The following PPP1R12B variants were observed in gnomAD, a reference collection of about 807,000 sequenced individuals.
The protein encoded by PPP1R12B is protein phosphatase 1 regulatory subunit 12B.
A neutral mutation model predicts 126.1 loss-of-function variants in PPP1R12B; 76 were observed. The observed-to-expected ratio is 0.60, with a 90% CI of 0.50 to 0.73. PPP1R12B has a LOEUF of 0.73. Among genes scored for constraint, PPP1R12B ranks in the 30% least tolerant of loss-of-function variants. The probability of loss-of-function intolerance (pLI) is 0.00; values close to 1 mark genes in which losing one functional copy is unlikely to be tolerated. For synonymous variants in PPP1R12B, 356 were observed against 434.7 expected, an observed-to-expected ratio of 0.82 and a Z score of 2.25; for missense variants, 1,052 against 1,205.1, an observed-to-expected ratio of 0.87 and a Z score of 1.88.
intron 1 of PPP1R12B, among the ~76,000 whole-genome samples, chr1:202,374,179 G>A (rs1315257577): frequency 3.3e-5 from 5 of 151,974 alleles, no homozygotes; most frequent in African/African-American, 4.8e-5. Flanking sequence ...AGGCTTTTAG[G>A]TACCTCAGAC....
Position 202,585,105 on chromosome 1 carries a change from T to TCTCAC in PPP1R12B, c.*4550_*4554dup, listed in dbSNP as rs1689743057. On this transcript the variant is annotated 3_prime_UTR_variant, in exon 24 of 24. Coordinates refer to ENST00000608999, the MANE Select transcript of PPP1R12B (RefSeq NM_002481.4). ...TCCACCTCCCAGGCTCAAGGGATCC[T>TCTCAC]CTCACCTCAGCTCCCGAGCAGCTAG... 6.6e-6 allele frequency: 1 copy of TCTCAC among 152,382 alleles called. No homozygotes were observed. Among genetic ancestry groups the TCTCAC allele is most frequent in the Admixed American group, 6.5e-5 (1 of 15,282 alleles). 9.4% of individuals were successfully genotyped at this position (152,382 alleles called of 1,614,324 possible).
At chr1:202,579,135 T>C (rs1431748218) in intron 23 of PPP1R12B, among the ~76,000 whole-genome samples, 2 of 152,262 alleles carry the variant, frequency 1.3e-5, no homozygotes, top group Non-Finnish European at 2.9e-5. Flanking sequence ...TTTATTTCCC[T>C]GATACAAATT....
In PPP1R12B at chr1:202,580,712, A is replaced by G. The variant is rs1689501922; in HGVS notation, c.*152A>G. On this transcript the variant is annotated 3_prime_UTR_variant, in exon 24 of 24. Transcript: ENST00000608999. ...CTCTTCAGTCACCTCTATACACTCT[A>G]CATTTTCTCTGCACTTTCAATGCCC... 8 of 624,410 alleles carry G rather than the reference A, an allele frequency of 1.3e-5. No homozygotes were observed. The East Asian group carries it at 2.0e-4, about 15-fold the overall frequency. The allele number at this position is 624,410 out of a possible 1,614,324, so 38.7% of individuals were successfully genotyped here. A position where few individuals can be genotyped will look rare whatever the true frequency, so the allele number is the denominator to read the frequency against.
chr1:202,437,060 G>A (rs898729753), intron 9 of PPP1R12B, among the ~76,000 whole-genome samples: 2 of 152,108 alleles, frequency 1.3e-5, no homozygotes, highest in Non-Finnish European at 2.9e-5. Flanking sequence ...GGCAGGGCAT[G>A]GGTTCATGCC....
intron 2 of PPP1R12B, among the ~76,000 whole-genome samples, chr1:202,420,770 G>A (rs1162405885): frequency 6.6e-6 from 1 of 152,110 alleles, no homozygotes; most frequent in East Asian, 1.9e-4. Flanking sequence ...AATAAGGTCT[G>A]TCTTCCTCTG....
intron 1 of PPP1R12B, among the ~76,000 whole-genome samples, chr1:202,384,299 C>T (rs1181166119): frequency 6.6e-6 from 1 of 152,094 alleles, no homozygotes; most frequent in African/African-American, 2.4e-5. Flanking sequence ...GGAAGCAGCC[C>T]AAATGTCCAT....
At chr1:202,545,895 A>G (rs1312843963) in intron 18 of PPP1R12B, among the ~76,000 whole-genome samples, 1 of 152,220 alleles carries the variant, frequency 6.6e-6, no homozygotes, top group Admixed American at 6.5e-5. Flanking sequence ...TTAGAAATGT[A>G]ATAAGAAATG....
rs556925250 is a variant in PPP1R12B at position 202,550,302 on chromosome 1, G to T, written c.2491-8575G>T. Among the ~76,000 whole-genome samples, 4 of 152,238 alleles carry T rather than the reference G, an allele frequency of 2.6e-5. No individual in the cohort carries two copies. In the South Asian group the frequency reaches 8.3e-4, roughly 32 times the overall value. On this transcript the variant is annotated intron_variant, in intron 18 of 23. Transcript: ENST00000608999. ...CTACCCAAACAGGCTGCTGGACTGT[G>T]ACATTTACCATATGAAAAAACCCGT...
At chr1:202,391,396 T>G (rs1056609741) in intron 1 of PPP1R12B, among the ~76,000 whole-genome samples, 2 of 151,804 alleles carry the variant, frequency 1.3e-5, no homozygotes, top group African/African-American at 4.8e-5. Flanking sequence ...TTGGTGAGGG[T>G]GTGGTGAAAT....
chr1:202,436,643 G>A (rs1251754089), intron 9 of PPP1R12B, among the ~76,000 whole-genome samples: 1 of 152,188 alleles, frequency 6.6e-6, no homozygotes, highest in Non-Finnish European at 1.5e-5. Flanking sequence ...GCTGGTCTAT[G>A]ATGTTTCCCT....
chr1:202,496,260 C>T (rs1679542984), intron 17 of PPP1R12B, among the ~76,000 whole-genome samples: 1 of 152,194 alleles, frequency 6.6e-6, no homozygotes, highest in Non-Finnish European at 1.5e-5. Flanking sequence ...ATCAGTAGTT[C>T]CATTCATCCT....
At position 202,555,127 on chromosome 1, in the gene PPP1R12B, G is replaced by A. The variant is rs1572490228; in HGVS notation, c.2491-3750G>A. Reference sequence around the variant, plus strand: ...TTTTATGTCAACCTCCTCAGTGAAGGTCATACAGTATAAACAGCCATACTA... The same window carrying A: ...TTTTATGTCAACCTCCTCAGTGAAGATCATACAGTATAAACAGCCATACTA... On this transcript the variant is annotated intron_variant, in intron 18 of 23. Coordinates refer to ENST00000608999, the MANE Select transcript of PPP1R12B (RefSeq NM_002481.4). 2.0e-5 allele frequency among the ~76,000 whole-genome samples: 3 copies of A among 151,788 alleles called. No individual in the cohort carries two copies. The South Asian group carries it at 6.2e-4, about 32-fold the overall frequency.
chr1:202,526,895 C>A (rs1296654287), intron 18 of PPP1R12B, among the ~76,000 whole-genome samples: 5 of 151,958 alleles, frequency 3.3e-5, no homozygotes, highest in Admixed American at 6.6e-5. Flanking sequence ...TAGAGCTGAA[C>A]AACAATGAAA....
chr1:202,549,302 C>T (rs995098161), intron 18 of PPP1R12B, among the ~76,000 whole-genome samples: 4 of 152,156 alleles, frequency 2.6e-5, no homozygotes, highest in Non-Finnish European at 5.9e-5. Context: ...CTTGTTCCTT[C>T]CATTATCACC....
At chr1:202,391,118 A>G (rs541272866) in intron 1 of PPP1R12B, among the ~76,000 whole-genome samples, 69 of 152,346 alleles carry the variant, frequency 4.5e-4, no homozygotes, top group African/African-American at 1.6e-3. Context: ...TGCAAATTAT[A>G]TATCTTGTAA....
intron 1 of PPP1R12B, among the ~76,000 whole-genome samples, chr1:202,416,194 C>T (rs768183069): frequency 6.6e-6 from 1 of 152,068 alleles, no homozygotes; most frequent in African/African-American, 2.4e-5. Context: ...CTTTAGAAAT[C>T]GCTTTCACAA....
chr1:202,421,562 C>T lies in PPP1R12B; in HGVS notation c.423-1058C>T, dbSNP rs372374907. Among the ~76,000 whole-genome samples, 6 of 151,638 alleles carry T rather than the reference C, an allele frequency of 4.0e-5. No homozygotes were observed. In the East Asian group the frequency reaches 9.8e-4, roughly 25 times the overall value. ...GGCTGAGGCAGGGGAATTGCTTGAA[C>T]CTGGAACGTGGAGGTTGCAGTGAGC... On this transcript the variant is annotated intron_variant, in intron 2 of 23. Transcript: ENST00000608999.
chr1:202,524,889 T>G (rs184490161), intron 18 of PPP1R12B, among the ~76,000 whole-genome samples: 95 of 152,316 alleles, frequency 6.2e-4, no homozygotes, highest in African/African-American at 2.3e-3. Context: ...TTTATTTTTT[T>G]ATTTTTTGGA....
intron 18 of PPP1R12B, among the ~76,000 whole-genome samples, chr1:202,504,266 A>G (rs996307825): frequency 2.6e-5 from 4 of 151,910 alleles, no homozygotes; most frequent in Admixed American, 6.6e-5. Context: ...GATGACGCCC[A>G]CCTGTAATCC....
Sources: allele counts gnomAD v4.1 joint callset (sites outside exome capture counted in the v4.1 genomes callset), GRCh38; gene constraint gnomAD v4.1.1; transcripts MANE v1.5; gene names NCBI Gene and HGNC (gene_info 2026-07-23, HGNC 2026-07-21).